ACTL6A: variants seen among roughly 807,000 people sequenced by gnomAD.
The protein encoded by ACTL6A is actin like 6A, also known as actin-like protein 6A.
A neutral mutation model predicts 59.2 loss-of-function variants in ACTL6A; 5 were observed. That is an observed-to-expected ratio of 0.08 (90% CI 0.04 to 0.18). The LOEUF is 0.18. Among genes scored for constraint, ACTL6A ranks in the 10% least tolerant of loss-of-function variants. The probability of loss-of-function intolerance (pLI) is 1.00; values close to 1 mark genes in which losing one functional copy is unlikely to be tolerated. For synonymous variants in ACTL6A, 154 were observed against 171.8 expected (o/e 0.90, Z 0.81); for missense variants, 285 against 526.9 (o/e 0.54, Z 4.49).
rs1717967893 is a variant in ACTL6A at position 179,570,348 on chromosome 3, G to A, written c.277+107G>A. 1 of 1,097,326 alleles carries A rather than the reference G, an allele frequency of 9.1e-7. No individual in the cohort carries two copies. Among genetic ancestry groups the A allele is most frequent in the Non-Finnish European group, 1.2e-6 (1 of 805,406 alleles). The allele number at this position is 1,097,326 out of a possible 1,614,324, so 68.0% of individuals were successfully genotyped here. A position where few individuals can be genotyped will look rare whatever the true frequency, so the allele number is the denominator to read the frequency against. ...AACATCAACCATGGTTTTTTGTTTT[G>A]TTTTGTTTTTTATTCCACAAACTGA... On this transcript the variant is annotated intron_variant, in intron 3 of 13. Coordinates refer to ENST00000429709, the MANE Select transcript of ACTL6A (RefSeq NM_004301.5). This position sits in a 1 kb window ranked among gnomAD's most constrained non-coding sequence, Gnocchi z 4.3.
chr3:179,573,854 C>T (rs543189174), intron 4 of ACTL6A, among the ~76,000 whole-genome samples: 1 of 152,094 alleles, frequency 6.6e-6, no homozygotes, highest in African/African-American at 2.4e-5. Flanking sequence ...AGATGTTGAA[C>T]AAGGGCTGGA....
rs1301754146 is a variant in ACTL6A at position 179,580,420 on chromosome 3, G to A, written c.769-220G>A. Among the ~76,000 whole-genome samples, 3 of 152,162 alleles carry A rather than the reference G, an allele frequency of 2.0e-5. No individual in the cohort carries two copies. In the East Asian group the frequency reaches 5.8e-4, roughly 29 times the overall value. On this transcript the variant is annotated intron_variant, in intron 8 of 13. Coordinates refer to ENST00000429709, the MANE Select transcript of ACTL6A (RefSeq NM_004301.5). ...ATTTATCTCTCATTTCATAACTGTT[G>A]TAACTTAAATGTGTGTAATTAACTT...
chr3:179,582,531 C>T (rs1325250156), intron 11 of ACTL6A, among the ~76,000 whole-genome samples: 2 of 152,104 alleles, frequency 1.3e-5, no homozygotes, highest in South Asian at 2.1e-4. Flanking sequence ...ATAATTTTGG[C>T]GAGGAATATG....
intron 6 of ACTL6A, 95 bp from the exon 7 acceptor site, chr3:179,576,525 G>A: frequency 9.8e-7 from 1 of 1,016,874 alleles, no homozygotes; most frequent in East Asian, 2.4e-5. Flanking sequence ...CATTCTACCT[G>A]AAAAAGTTAT....
chr3:179,566,978 C>T (rs577033552), intron 1 of ACTL6A, among the ~76,000 whole-genome samples: 4 of 151,828 alleles, frequency 2.6e-5, no homozygotes, highest in East Asian at 1.9e-4. Context: ...TGTGAGCCAC[C>T]GCGCGCCCTG....
At chr3:179,579,039 G>T (rs1028209733) in intron 8 of ACTL6A, among the ~76,000 whole-genome samples, 1 of 152,126 alleles carries the variant, frequency 6.6e-6, no homozygotes, top group East Asian at 1.9e-4. Context: ...CACTGTGCCC[G>T]GCCCTATTTT....
intron 12 of ACTL6A, among the ~76,000 whole-genome samples, chr3:179,584,704 G>A (rs1576859519): frequency 6.6e-6 from 1 of 151,958 alleles, no homozygotes; most frequent in South Asian, 2.1e-4. Context: ...AGAATCGCTT[G>A]AACCCAGGAG....
intron 5 of ACTL6A, among the ~76,000 whole-genome samples, chr3:179,575,698 C>G (rs1245791559): frequency 2.6e-5 from 4 of 152,204 alleles, no homozygotes; most frequent in Non-Finnish European, 5.9e-5. Flanking sequence ...TATTTACCAA[C>G]TGTGGAATTC....
rs772430235 is a variant in ACTL6A, at chr3:179,586,597, A to G, written c.1174A>G (p.Ser392Gly). 6.9e-6 allele frequency: 11 copies of G among 1,600,342 alleles called. No individual in the cohort carries two copies. The African/African-American group carries it at 1.5e-4, about 22-fold the overall frequency. The part of the protein sequence containing the change: ...ANNTTVERRF[S>G]SWIGGSILAS... ...TAATACAACAGTGGAACGGAGGTTT[A>G]GCTCATGGATTGGCGGCTCCATTCT... The change falls in exon 13 of 14, where the codon AGC becomes GGC. Residue 392 changes from serine (S) to glycine (G), a missense_variant. Ser to Gly is a moderately conservative substitution (Grantham distance 56, BLOSUM62 0). Coordinates refer to ENST00000429709, the MANE Select transcript of ACTL6A (RefSeq NM_004301.5).
intron 12 of ACTL6A, among the ~76,000 whole-genome samples, chr3:179,585,420 T>A (rs186434841): frequency 3.2e-4 from 49 of 152,304 alleles, no homozygotes; most frequent in African/African-American, 1.0e-3. Context: ...AATGATTAGA[T>A]TTCATAGAAA....
chr3:179,586,483 A>AG, intron 12 of ACTL6A, 63 bp from the exon 13 acceptor site: 1 of 1,270,366 alleles, frequency 7.9e-7, no homozygotes, highest in Non-Finnish European at 1.1e-6. Flanking sequence ...AAAAAAAAAA[A>AG]AAAGAATTTT....
chr3:179,582,790 G>A (rs1718374114), intron 11 of ACTL6A, among the ~76,000 whole-genome samples: 1 of 152,208 alleles, frequency 6.6e-6, no homozygotes, highest in East Asian at 1.9e-4. Context: ...AGCATTCTAA[G>A]ATAAAGTCAT....
chr3:179,586,470 A>C (rs1343595555), intron 12 of ACTL6A, 76 bp from the exon 13 acceptor site: 2 of 979,408 alleles, frequency 2.0e-6, no homozygotes, highest in Non-Finnish European at 2.8e-6. Context: ...TCTATTTGAA[A>C]AAAAAAAAAA....
chr3:179,575,501 C>T (rs1175361488), intron 5 of ACTL6A: 1 of 453,402 alleles, frequency 2.2e-6, no homozygotes. Flanking sequence ...AATTTTAGTG[C>T]CAGGTGAGCA....
At chr3:179,580,572 T>C in intron 8 of ACTL6A, 68 bp from the exon 9 acceptor site, 1 of 1,107,458 alleles carries the variant, frequency 9.0e-7, no homozygotes, top group Non-Finnish European at 1.3e-6. Context: ...ATTTAAAATA[T>C]GTTATAAAAG....
At chr3:179,578,416 T>C (rs372985477) in intron 8 of ACTL6A, among the ~76,000 whole-genome samples, 1 of 152,138 alleles carries the variant, frequency 6.6e-6, no homozygotes, top group African/African-American at 2.4e-5. Context: ...ACGGTGCCAC[T>C]GCGCTCCTGC....
At chr3:179,579,453 T>TACACACACACAC (rs1477872220) in intron 8 of ACTL6A, among the ~76,000 whole-genome samples, 107 of 55,264 alleles carry the variant, frequency 1.9e-3, no homozygotes, top group African/African-American at 8.0e-3. Context: ...ATTTATATCA[T>TACACACACACAC]ATACACACAC....
intron 1 of ACTL6A, among the ~76,000 whole-genome samples, chr3:179,563,881 G>T (rs1474781086): frequency 2.0e-5 from 3 of 152,148 alleles, no homozygotes; most frequent in Non-Finnish European, 2.9e-5. Context: ...GGTGCCGGGG[G>T]TTACAGACCT....
In ACTL6A at chr3:179,570,056, G is replaced by T; in HGVS notation, c.103-11G>T. On this transcript the variant is annotated splice_polypyrimidine_tract_variant and intron_variant, in intron 2 of 13. Coordinates refer to ENST00000429709, the MANE Select transcript of ACTL6A (RefSeq NM_004301.5). The surrounding 1 kb of genome is among the most constrained non-coding windows in gnomAD (Gnocchi z 4.3). ...GGTGAAACTTGTATGTCATGTTTCT[G>T]ACTCTTACAGGTGGATTTTCCTACA... 6.2e-7 allele frequency: 1 copy of T among 1,610,950 alleles called. No individual in the cohort carries two copies. Among genetic ancestry groups the T allele is most frequent in the South Asian group, 1.1e-5 (1 of 90,412 alleles).
Sources: allele counts gnomAD v4.1 joint callset (sites outside exome capture counted in the v4.1 genomes callset), GRCh38; gene constraint gnomAD v4.1.1; non-coding constraint Gnocchi (gnomAD v3.1); transcripts MANE v1.5; gene names NCBI Gene and HGNC (gene_info 2026-07-23, HGNC 2026-07-21).